Variants in ADGRV1 observed in about 807,000 individuals in gnomAD.
ADGRV1 encodes the protein G-protein coupled receptor 98.
In ADGRV1, 359 loss-of-function variants were observed where a neutral mutation model predicts 596.2. The ratio of observed to expected loss-of-function variants is 0.60; its 90% CI spans 0.55 to 0.66. The LOEUF (loss-of-function observed/expected upper bound fraction) is 0.66, where lower values mean the gene tolerates loss of function less well. Among genes scored for constraint, ADGRV1 ranks in the 30% least tolerant of loss-of-function variants. ADGRV1 has a pLI of 0.00. For synonymous variants in ADGRV1, 2,681 were observed against 2,679.2 expected, an observed-to-expected ratio of 1.00 and a Z score of -0.02; for missense variants, 7,274 against 7,575.6, an observed-to-expected ratio of 0.96 and a Z score of 1.48.
At chr5:91,062,435 G>A (rs1200508920) in intron 85 of ADGRV1, among the ~76,000 whole-genome samples, 1 of 152,228 alleles carries the variant, frequency 6.6e-6, no homozygotes, top group Non-Finnish European at 1.5e-5. Flanking sequence ...GAGAGTGGGG[G>A]TGGAGGATGT....
intron 87 of ADGRV1, among the ~76,000 whole-genome samples, chr5:91,132,553 A>G (rs1455944455): frequency 6.6e-6 from 1 of 152,264 alleles, no homozygotes; most frequent in Non-Finnish European, 1.5e-5. Flanking sequence ...TGAATAAAAT[A>G]ATCACACAAA....
At chr5:91,056,160 T>C (rs571270330) in intron 85 of ADGRV1, among the ~76,000 whole-genome samples, 3 of 152,240 alleles carry the variant, frequency 2.0e-5, no homozygotes, top group Admixed American at 2.0e-4. Context: ...TGGTTGGGCA[T>C]TGTTGTAGAG....
At chr5:90,767,588 G>A (rs1448599954) in intron 59 of ADGRV1, among the ~76,000 whole-genome samples, 2 of 151,446 alleles carry the variant, frequency 1.3e-5, no homozygotes, top group African/African-American at 4.8e-5. Flanking sequence ...AAAATGAATG[G>A]AGAATAAACA....
At chr5:90,963,320 A>G (rs904911788) in intron 83 of ADGRV1, among the ~76,000 whole-genome samples, 3 of 152,160 alleles carry the variant, frequency 2.0e-5, no homozygotes, top group African/African-American at 7.2e-5. Flanking sequence ...TGTTCAAGGA[A>G]TAATTGTGGA....
At chr5:90,802,488 C>T (rs1392678733) in intron 70 of ADGRV1, among the ~76,000 whole-genome samples, 1 of 152,158 alleles carries the variant, frequency 6.6e-6, no homozygotes, top group African/African-American at 2.4e-5. Flanking sequence ...GCCTGGGCCT[C>T]CCAAAGTGCT....
intron 83 of ADGRV1, among the ~76,000 whole-genome samples, chr5:90,959,820 T>G (rs928862460): frequency 7.9e-5 from 12 of 152,174 alleles, no homozygotes; most frequent in Middle Eastern, 3.4e-3. Flanking sequence ...TATATAAAAT[T>G]TAATAGATGC....
At chr5:90,703,004 T>C (rs1580794833) in intron 34 of ADGRV1, among the ~76,000 whole-genome samples, 1 of 152,150 alleles carries the variant, frequency 6.6e-6, no homozygotes, top group Admixed American at 6.5e-5. Context: ...AGACATGTTA[T>C]GATTTTCTTC....
At chr5:90,858,993 G>A (rs985932377) in intron 82 of ADGRV1, among the ~76,000 whole-genome samples, 2 of 152,146 alleles carry the variant, frequency 1.3e-5, no homozygotes, top group African/African-American at 4.8e-5. Context: ...TATTCTGTGT[G>A]CTTTCATAAC....
In ADGRV1 at chr5:91,056,272, G is replaced by A. The variant is rs906526643; in HGVS notation, c.18153-16175G>A. ...CATACTTCTCAGAGGTAATGGTTTC[G>A]CCAGGATTCAGAAAGCTGTAGTGGA... is the stretch of plus-strand genomic sequence containing the variant. On this transcript the variant is annotated intron_variant, in intron 85 of 89. Transcript: ENST00000405460. 1.0e-3 allele frequency among the ~76,000 whole-genome samples: 119 copies of A among 116,790 alleles called. 1 individual carries two copies. The highest frequency in any genetic ancestry group is 2.8e-3 in the African/African-American group (110 of 39,348). 76.6% of individuals were successfully genotyped at this position (116,790 alleles called of 152,430 possible).
intron 78 of ADGRV1, among the ~76,000 whole-genome samples, chr5:90,843,833 G>C (rs1307066313): frequency 6.6e-6 from 1 of 151,954 alleles, no homozygotes; most frequent in Non-Finnish European, 1.5e-5. Flanking sequence ...CATTATGAGG[G>C]GCCTGACTAA....
At chr5:90,614,448 T>C (rs1763093885) in intron 1 of ADGRV1, among the ~76,000 whole-genome samples, 1 of 152,100 alleles carries the variant, frequency 6.6e-6, no homozygotes, top group Non-Finnish European at 1.5e-5. Flanking sequence ...TTTTGGCTGG[T>C]ATTTCGTAGT....
chr5:91,060,000 A>G (rs1450696944), intron 85 of ADGRV1, among the ~76,000 whole-genome samples: 1 of 152,086 alleles, frequency 6.6e-6, no homozygotes, highest in Non-Finnish European at 1.5e-5. Context: ...CACAGCAAAC[A>G]CCAACGTCCT....
chr5:90,569,373 ATATATATATATATATTTTTTTTT>A (rs1756120741), intron 1 of ADGRV1, among the ~76,000 whole-genome samples: 1 of 20,364 alleles, frequency 4.9e-5, no homozygotes, highest in African/African-American at 2.4e-4. Flanking sequence ...ATATATATAT[ATATATATATATATATTTTTTTTT>A]TTTTTTTTTT....
intron 82 of ADGRV1, among the ~76,000 whole-genome samples, chr5:90,860,716 G>A (rs1767470199): frequency 1.4e-5 from 2 of 145,506 alleles, no homozygotes; most frequent in South Asian, 4.4e-4. Context: ...ACATTAGGTG[G>A]TATAATAAAA....
chr5:90,776,362 C>T (rs1401181100), intron 60 of ADGRV1, 91 bp from the exon 61 acceptor site: 1 of 1,173,892 alleles, frequency 8.5e-7, no homozygotes, highest in Non-Finnish European at 1.2e-6. Context: ...GAACTAGATT[C>T]CTGTGTGTAA....
chr5:90,595,854 C>A (rs1335552765), intron 1 of ADGRV1, among the ~76,000 whole-genome samples: 4 of 150,816 alleles, frequency 2.7e-5, no homozygotes, highest in Non-Finnish European at 4.4e-5. Flanking sequence ...CCCCCACCTC[C>A]CTCCCGGACG....
chr5:91,032,953 C>T lies in ADGRV1; in HGVS notation c.18153-39494C>T, dbSNP rs186239514. 3.3e-5 allele frequency among the ~76,000 whole-genome samples: 5 copies of T among 152,178 alleles called. No homozygotes were observed. The East Asian group carries it at 9.7e-4, about 29-fold the overall frequency. ...TTTACTTCAGACTTCAAGCGTCATT[C>T]GTTATTTTAGGTAAATCTTATATAG... On this transcript the variant is annotated intron_variant, in intron 85 of 89. Coordinates refer to ENST00000405460, the MANE Select transcript of ADGRV1 (RefSeq NM_032119.4).
intron 50 of ADGRV1, among the ~76,000 whole-genome samples, chr5:90,733,293 A>G (rs1018078695): frequency 6.6e-6 from 1 of 152,202 alleles, no homozygotes; most frequent in Admixed American, 6.5e-5. Context: ...GTAGTGGGAA[A>G]TGTGATGAAC....
At chr5:90,981,826 G>A (rs1434555570) in intron 84 of ADGRV1, among the ~76,000 whole-genome samples, 1 of 152,234 alleles carries the variant, frequency 6.6e-6, no homozygotes, top group Non-Finnish European at 1.5e-5. Flanking sequence ...TGCACAGGGA[G>A]CCTGCCATGT....
Sources: gnomAD v4.1 joint callset for allele counts (sites outside exome capture counted in the v4.1 genomes callset) on GRCh38, gnomAD v4.1.1 for gene constraint, MANE v1.5 for transcripts, NCBI Gene and HGNC (gene_info 2026-07-23, HGNC 2026-07-21) for gene names.